EPHA3: variants seen among roughly 807,000 people sequenced by gnomAD.
EPHA3 encodes EPH receptor A3.
EPHA3 carries 42 observed loss-of-function variants against 107.1 expected under a neutral mutation model. The ratio of observed to expected loss-of-function variants is 0.39; its 90% confidence interval spans 0.31 to 0.51. The LOEUF is 0.51. Ranked by LOEUF, EPHA3 falls within the 20% of genes least tolerant of loss-of-function variation. The probability of loss-of-function intolerance (pLI) is 0.78; values close to 1 mark genes in which losing one functional copy is unlikely to be tolerated. For missense variants in EPHA3, 1,183 were observed against 1,211.2 expected (o/e 0.98, Z 0.35); for synonymous variants, 461 against 424.8 (o/e 1.09, Z -1.05).
In EPHA3 at chr3:89,219,393, C is replaced by T. The variant is rs533801001; in HGVS notation, c.814+8873C>T. Among the ~76,000 whole-genome samples, 7 of 152,110 alleles carry T rather than the reference C, an allele frequency of 4.6e-5. No homozygotes were observed. In the South Asian group the frequency reaches 1.5e-3, roughly 32 times the overall value. On this transcript the variant is annotated intron_variant, in intron 3 of 16. Coordinates refer to ENST00000336596, the MANE Select transcript of EPHA3 (RefSeq NM_005233.6). ...GGTCAGGCTGGTCTCAAACTCTCCA[C>T]CTCAGGTGATCTGCCTGCCTTGGCC...
At chr3:89,274,010 G>A (rs1705744575) in intron 3 of EPHA3, among the ~76,000 whole-genome samples, 1 of 151,806 alleles carries the variant, frequency 6.6e-6, no homozygotes, top group Non-Finnish European at 1.5e-5. Context: ...AAATAAGAAG[G>A]CAGAGAGTTG....
At chr3:89,448,058 G>A (rs1434998278) in intron 13 of EPHA3, among the ~76,000 whole-genome samples, 1 of 152,028 alleles carries the variant, frequency 6.6e-6, no homozygotes, top group Non-Finnish European at 1.5e-5. Flanking sequence ...GACTTCACTT[G>A]AAATTGAGGT....
chr3:89,240,426 A>G (rs1704867745), intron 3 of EPHA3, among the ~76,000 whole-genome samples: 1 of 152,104 alleles, frequency 6.6e-6, no homozygotes, highest in African/African-American at 2.4e-5. Context: ...AAAATGCAAT[A>G]CATTTGTATT....
At chr3:89,323,960 T>A (rs1391154901) in intron 3 of EPHA3, among the ~76,000 whole-genome samples, 1 of 152,034 alleles carries the variant, frequency 6.6e-6, no homozygotes, top group East Asian at 1.9e-4. Flanking sequence ...GAATCCATTT[T>A]TTTTTGCAGT....
At chr3:89,408,802 A>C (rs1322147029) in intron 9 of EPHA3, among the ~76,000 whole-genome samples, 1 of 152,082 alleles carries the variant, frequency 6.6e-6, no homozygotes, top group African/African-American at 2.4e-5. Context: ...GGCAATTACT[A>C]ATCAGTAGCT....
intron 1 of EPHA3, among the ~76,000 whole-genome samples, chr3:89,121,129 G>C (rs575926803): frequency 6.6e-6 from 1 of 152,144 alleles, no homozygotes; most frequent in South Asian, 2.1e-4. Flanking sequence ...CCAGCTACTC[G>C]GGAGGCTGAG....
At chr3:89,298,519 T>A (rs1357213014) in intron 3 of EPHA3, among the ~76,000 whole-genome samples, 1 of 152,214 alleles carries the variant, frequency 6.6e-6, no homozygotes, top group Admixed American at 6.5e-5. Flanking sequence ...TGAAAACTGT[T>A]GTTTTAGATG....
At chr3:89,384,734 C>T (rs1265698226) in intron 5 of EPHA3, among the ~76,000 whole-genome samples, 2 of 152,078 alleles carry the variant, frequency 1.3e-5, no homozygotes, top group Admixed American at 6.6e-5. Flanking sequence ...CCACCAGATC[C>T]GTTAGCAGCT....
chr3:89,320,309 G>A (rs774622442), intron 3 of EPHA3, among the ~76,000 whole-genome samples: 29 of 151,972 alleles, frequency 1.9e-4, no homozygotes, highest in Non-Finnish European at 4.0e-4. Flanking sequence ...GCCTCCAGCT[G>A]GGTCAGAATA....
At chr3:89,474,787 G>A (rs1429892740) in intron 16 of EPHA3, among the ~76,000 whole-genome samples, 4 of 152,288 alleles carry the variant, frequency 2.6e-5, no homozygotes, top group South Asian at 2.1e-4. Flanking sequence ...CCAAGTTAGC[G>A]ACATTACTTA....
At chr3:89,255,251 T>C (rs893303340) in intron 3 of EPHA3, among the ~76,000 whole-genome samples, 4 of 152,212 alleles carry the variant, frequency 2.6e-5, no homozygotes, top group African/African-American at 9.6e-5. Flanking sequence ...ACACATTTCA[T>C]TGTCAGCAAT....
chr3:89,183,354 C>A (rs1467524472), intron 2 of EPHA3, among the ~76,000 whole-genome samples: 3 of 151,846 alleles, frequency 2.0e-5, no homozygotes, highest in Admixed American at 2.0e-4. Context: ...ATGCATAGTC[C>A]TGGATGGTGC....
intron 16 of EPHA3, among the ~76,000 whole-genome samples, chr3:89,477,064 C>T (rs1240726590): frequency 1.3e-5 from 2 of 151,770 alleles, no homozygotes; most frequent in Middle Eastern, 3.2e-3. Context: ...GACTCAAAAA[C>T]TGACTTTGCT....
chr3:89,112,522 A>T (rs887878788), intron 1 of EPHA3, among the ~76,000 whole-genome samples: 2 of 151,964 alleles, frequency 1.3e-5, no homozygotes, highest in African/African-American at 4.8e-5. Context: ...AGAAATTTAA[A>T]TTTTTTTCGG....
chr3:89,298,704 G>T (rs1225119785), intron 3 of EPHA3, among the ~76,000 whole-genome samples: 3 of 151,970 alleles, frequency 2.0e-5, no homozygotes, highest in Non-Finnish European at 2.9e-5. Flanking sequence ...GAGATGCCAA[G>T]ACATAAAATC....
intron 5 of EPHA3, among the ~76,000 whole-genome samples, chr3:89,394,682 A>G (rs1257645570): frequency 6.6e-6 from 1 of 152,254 alleles, no homozygotes; most frequent in Non-Finnish European, 1.5e-5. Context: ...AGAAACATCA[A>G]CAAATACAGA....
At chr3:89,357,945 T>C (rs1429756579) in intron 5 of EPHA3, among the ~76,000 whole-genome samples, 2 of 151,468 alleles carry the variant, frequency 1.3e-5, no homozygotes, top group South Asian at 2.1e-4. Flanking sequence ...ATAAGATAGA[T>C]GTCCTTATTA....
intron 5 of EPHA3, among the ~76,000 whole-genome samples, chr3:89,366,400 A>C (rs1708184825): frequency 6.6e-6 from 1 of 150,812 alleles, no homozygotes; most frequent in East Asian, 1.9e-4. Flanking sequence ...AAGATCAAAA[A>C]CATGAACGCA....
chr3:89,227,139 G>A (rs1041580387), intron 3 of EPHA3, among the ~76,000 whole-genome samples: 1 of 151,884 alleles, frequency 6.6e-6, no homozygotes. Flanking sequence ...TGTCCTGAAT[G>A]GCATGTGTAT....
Sources: allele counts gnomAD v4.1 joint callset (sites outside exome capture counted in the v4.1 genomes callset), GRCh38; gene constraint gnomAD v4.1.1; transcripts MANE v1.5; gene names NCBI Gene and HGNC (gene_info 2026-07-23, HGNC 2026-07-21).